The following RASA2 variants were observed in gnomAD, a reference collection of about 807,000 sequenced individuals.
RASA2 encodes ras GTPase-activating protein 2.
In RASA2, 155 loss-of-function variants were observed where a neutral mutation model predicts 118.2. The ratio of observed to expected loss-of-function variants is 1.31; its 90% confidence interval spans 1.15 to 1.50. RASA2 has a LOEUF of 1.50. Ranked by LOEUF, RASA2 falls within the 40% of genes most tolerant of loss-of-function variation. The pLI is 0.00. For missense variants in RASA2, 1,016 were observed against 1,009.6 expected, an observed-to-expected ratio of 1.01 and a Z score of -0.09; for synonymous variants, 353 against 349.1, an observed-to-expected ratio of 1.01 and a Z score of -0.12.
At chr3:141,500,892 T>TAGAGCTATAGAGAACCTAGAA in intron 1 of RASA2, among the ~76,000 whole-genome samples, 1 of 152,176 alleles carries the variant, frequency 6.6e-6, no homozygotes, top group Admixed American at 6.5e-5. Flanking sequence ...TCTCAGATTT[T>TAGAGCTATAGAGAACCTAGAA]AGAGCTATAG....
At chr3:141,505,202 G>A (rs1475317872) in intron 1 of RASA2, among the ~76,000 whole-genome samples, 5 of 152,118 alleles carry the variant, frequency 3.3e-5, no homozygotes, top group East Asian at 3.8e-4. Context: ...GGTATTTGTC[G>A]TCCCTGTATA....
chr3:141,565,811 A>G (rs960691564), intron 9 of RASA2, among the ~76,000 whole-genome samples: 4 of 152,236 alleles, frequency 2.6e-5, no homozygotes, highest in African/African-American at 9.6e-5. Context: ...CACCTTTGCT[A>G]ACAGGCTTGT....
chr3:141,607,616 T>C, intron 19 of RASA2, 62 bp from the exon 20 acceptor site: 1 of 1,475,388 alleles, frequency 6.8e-7, no homozygotes, highest in Non-Finnish European at 9.0e-7. Flanking sequence ...AGAATTAACC[T>C]CTCATCTTTA....
intron 5 of RASA2, among the ~76,000 whole-genome samples, chr3:141,540,849 G>A (rs1476487691): frequency 6.6e-6 from 1 of 151,978 alleles, no homozygotes; most frequent in Non-Finnish European, 1.5e-5. Context: ...ATATATATGG[G>A]CATTAAGGAT....
At chr3:141,488,658 A>G (rs897424790) in intron 1 of RASA2, among the ~76,000 whole-genome samples, 1 of 151,622 alleles carries the variant, frequency 6.6e-6, no homozygotes, top group Non-Finnish European at 1.5e-5. Flanking sequence ...AGGGCATAAA[A>G]CCTTTTCAGA....
rs149156258 is a variant in RASA2, at chr3:141,569,958, A to G, written c.864-954A>G. ...CAGCATCCATGTTAGTGCAAAGGAC[A>G]TAATTTTTTTCTTTCTGTGACTGCG... On this transcript the variant is annotated intron_variant, in intron 9 of 23. Transcript: ENST00000286364. Among the ~76,000 whole-genome samples the G allele has an allele frequency of 3.6e-3, 548 of 152,280 alleles. 2 individuals are homozygous for G. Among genetic ancestry groups the G allele is most frequent in the African/African-American group, 0.013 (529 of 41,558 alleles).
intron 4 of RASA2, among the ~76,000 whole-genome samples, chr3:141,532,424 A>G (rs985916637): frequency 6.6e-6 from 1 of 152,168 alleles, no homozygotes; most frequent in Admixed American, 6.6e-5. Context: ...AAGCTCCTAA[A>G]GAGTTTCTTG....
chr3:141,528,135 A>ATT (rs1412047286), intron 3 of RASA2, among the ~76,000 whole-genome samples: 1 of 151,790 alleles, frequency 6.6e-6, no homozygotes, highest in African/African-American at 2.4e-5. Context: ...CTTCGATTGT[A>ATT]TTTTTTTAAT....
At chr3:141,557,046 G>A (rs1477046824) in intron 7 of RASA2, among the ~76,000 whole-genome samples, 1 of 152,144 alleles carries the variant, frequency 6.6e-6, no homozygotes, top group Non-Finnish European at 1.5e-5. Context: ...GCTGACTAAA[G>A]GCACTCACAC....
chr3:141,564,021 A>G (rs2082779482), intron 9 of RASA2, among the ~76,000 whole-genome samples: 1 of 144,416 alleles, frequency 6.9e-6, no homozygotes, highest in Non-Finnish European at 1.5e-5. Context: ...GTCTATGGGG[A>G]TTTCTTATCC....
chr3:141,505,456 C>T (rs1254882724), intron 1 of RASA2, among the ~76,000 whole-genome samples: 3 of 152,174 alleles, frequency 2.0e-5, no homozygotes, highest in Admixed American at 6.5e-5. Flanking sequence ...AAGCAGAGCT[C>T]TTTGGAGAGA....
rs7340642 is a variant in RASA2, at chr3:141,531,935, C to G, written c.450+2133C>G. ...ATCCTACTTTGTTAATAAATTTGTT[C>G]ACTTCCATAAACTTTATAAAATTTT... On this transcript the variant is annotated intron_variant, in intron 4 of 23. Transcript: ENST00000286364. 8.2e-4 allele frequency among the ~76,000 whole-genome samples: 125 copies of G among 152,100 alleles called. 3 individuals are homozygous for G. Among genetic ancestry groups the G allele is most frequent in the African/African-American group, 2.9e-3 (119 of 41,524 alleles).
chr3:141,508,628 C>G (rs929272557), intron 1 of RASA2, among the ~76,000 whole-genome samples: 1 of 152,136 alleles, frequency 6.6e-6, no homozygotes, highest in Admixed American at 6.5e-5. Flanking sequence ...GTTTGCCCAC[C>G]TTGGCCTCCC....
chr3:141,573,062 A>T, intron 12 of RASA2, 85 bp from the exon 13 acceptor site: 1 of 1,172,806 alleles, frequency 8.5e-7, no homozygotes, highest in Non-Finnish European at 1.2e-6. Context: ...TTCTATAATT[A>T]ACTTTTATTA....
intron 19 of RASA2, chr3:141,600,397 C>T (rs750851382): frequency 1.7e-5 from 8 of 473,560 alleles, no homozygotes; most frequent in Non-Finnish European, 3.5e-5. Flanking sequence ...GCTCAATGTT[C>T]AAGATGAGCC....
rs750347515 is a variant in RASA2 at position 141,586,629 on chromosome 3, A to G, written c.1827-17A>G. On this transcript the variant is annotated splice_polypyrimidine_tract_variant and intron_variant, in intron 18 of 23. Coordinates refer to ENST00000286364, the MANE Select transcript of RASA2 (RefSeq NM_006506.5). ...TTAATTTTTATAGCTAAATGTTTAC[A>G]TCTGTTATGTTGGCAGTGAGATGTA... 2 of 1,534,126 alleles carry G rather than the reference A, an allele frequency of 1.3e-6. No homozygotes were observed. The highest frequency in any genetic ancestry group is 2.3e-5 in the South Asian group (2 of 86,756).
At chr3:141,579,825 G>A (rs1215769546) in intron 15 of RASA2, among the ~76,000 whole-genome samples, 2 of 151,660 alleles carry the variant, frequency 1.3e-5, no homozygotes, top group Non-Finnish European at 2.9e-5. Context: ...GGAGGCCAAG[G>A]CAGGCAGATC....
chr3:141,505,920 C>T (rs77672317), intron 1 of RASA2, among the ~76,000 whole-genome samples: 2,072 of 151,900 alleles, frequency 0.014, 61 homozygotes, highest in African/African-American at 0.047. Context: ...CACATGTGGG[C>T]GAGAGGATAT....
intron 4 of RASA2, among the ~76,000 whole-genome samples, chr3:141,536,669 T>G (rs1266354136): frequency 2.0e-5 from 3 of 152,172 alleles, no homozygotes; most frequent in Non-Finnish European, 4.4e-5. Context: ...ATACTGTCAT[T>G]GAGCTTCCTT....
Sources: gnomAD v4.1 joint callset for allele counts (sites outside exome capture counted in the v4.1 genomes callset) on GRCh38, gnomAD v4.1.1 for gene constraint, MANE v1.5 for transcripts, NCBI Gene and HGNC (gene_info 2026-07-23, HGNC 2026-07-21) for gene names.